Variants in LAMC1 observed in about 807,000 individuals in gnomAD.
The protein encoded by LAMC1 is laminin subunit gamma 1, also known as laminin subunit gamma-1.
LAMC1 carries 38 observed loss-of-function variants against 173.6 expected under a neutral mutation model. The ratio of observed to expected loss-of-function variants is 0.22; its 90% CI spans 0.17 to 0.29. The LOEUF (loss-of-function observed/expected upper bound fraction) is 0.29, where lower values mean the gene tolerates loss of function less well. Among genes scored for constraint, LAMC1 ranks in the 10% least tolerant of loss-of-function variants. The pLI, the probability that LAMC1 is intolerant of heterozygous loss-of-function variation, is 1.00. For missense variants in LAMC1, 1,824 were observed against 2,051.8 expected (o/e 0.89, Z 2.14); for synonymous variants, 746 against 749.1 (o/e 1.00, Z 0.07).
chr1:183,067,860 G>A (rs1020523309), intron 1 of LAMC1, among the ~76,000 whole-genome samples: 3 of 152,072 alleles, frequency 2.0e-5, no homozygotes, highest in Non-Finnish European at 2.9e-5. Context: ...TGTAGTATTG[G>A]GAGTATCATG....
intron 1 of LAMC1, among the ~76,000 whole-genome samples, chr1:183,074,510 C>T (rs1226568259): frequency 6.6e-6 from 1 of 152,126 alleles, no homozygotes; most frequent in African/African-American, 2.4e-5. Flanking sequence ...GCACTGTCAG[C>T]ATGTGAAAGG....
At chr1:183,093,030 G>A (rs1238470518) in intron 1 of LAMC1, among the ~76,000 whole-genome samples, 1 of 152,176 alleles carries the variant, frequency 6.6e-6, no homozygotes, top group Non-Finnish European at 1.5e-5. Context: ...TATAATCCTA[G>A]CACCTTGGGA....
intron 19 of LAMC1, among the ~76,000 whole-genome samples, chr1:183,130,867 C>T (rs1162132531): frequency 6.6e-6 from 1 of 152,124 alleles, no homozygotes; most frequent in East Asian, 1.9e-4. Flanking sequence ...ATAAAGATCT[C>T]TGAAAATAAG....
In LAMC1 at chr1:183,108,201, G is replaced by C. The variant is rs1656042795; in HGVS notation, c.724-75G>C. 2.2e-6 allele frequency: 3 copies of C among 1,391,108 alleles called. No homozygotes were observed. The Admixed American group carries it at 5.3e-5, about 25-fold the overall frequency. 86.2% of individuals were successfully genotyped at this position (1,391,108 alleles called of 1,614,324 possible). On this transcript the variant is annotated intron_variant, in intron 2 of 27. Transcript: ENST00000258341. ...TAAATGATAATAAGTTAGTGATTTAGAACATTTTGTCACATTTATATCATT... is the reference window on the plus strand; with the variant it reads ...TAAATGATAATAAGTTAGTGATTTACAACATTTTGTCACATTTATATCATT...
rs1414003336 is a variant in LAMC1, at chr1:183,114,606, A to G, written c.1097A>G (p.His366Arg). The G allele has an allele frequency of 1.9e-6, 3 of 1,614,202 alleles. No individual in the cohort carries two copies. Among genetic ancestry groups the G allele is most frequent in the South Asian group, 2.2e-5 (2 of 91,088 alleles). ...ELYRSTGHGG[H>R]CTNCQDNTDG... ...TATCGTTCCACTGGCCATGGGGGCC[A>G]CTGTACCAACTGCCAGGATAACACA... The change falls in exon 5 of 28, where the codon CAC becomes CGC. Residue 366 changes from histidine to arginine, a missense_variant. Coordinates refer to ENST00000258341, the MANE Select transcript of LAMC1 (RefSeq NM_002293.4).
intron 1 of LAMC1, among the ~76,000 whole-genome samples, chr1:183,097,871 G>A (rs973621850): frequency 7.2e-5 from 11 of 152,196 alleles, no homozygotes; most frequent in Admixed American, 3.3e-4. Context: ...TATGGCAGGG[G>A]GAGGAAGAGG....
intron 1 of LAMC1, among the ~76,000 whole-genome samples, chr1:183,039,563 C>A (rs1004680553): frequency 7.2e-5 from 11 of 152,290 alleles, no homozygotes; most frequent in South Asian, 6.2e-4. Flanking sequence ...TTTAGAGGCT[C>A]TTGCTGGGTT....
chr1:183,075,793 A>C (rs901648229), intron 1 of LAMC1, among the ~76,000 whole-genome samples: 15 of 152,226 alleles, frequency 9.9e-5, no homozygotes, highest in Non-Finnish European at 4.4e-5. Context: ...TTTGTATAGT[A>C]GAGTGATTGG....
rs761195841 is a variant in LAMC1, at chr1:183,136,469, G to A, written c.4198G>A (p.Glu1400Lys). 1 of 1,614,198 alleles carries A rather than the reference G, an allele frequency of 6.2e-7. No individual in the cohort carries two copies. Among genetic ancestry groups the A allele is most frequent in the Non-Finnish European group, 8.5e-7 (1 of 1,180,024 alleles). Residue 1400 changes from glutamate (E) to lysine (K), a missense_variant, in exon 25 of 28, where the codon GAA becomes AAA. Transcript: ENST00000258341. The stretch of plus-strand genomic sequence containing the variant: ...TCCTGCCATCAACCAGACCATCACT[G>A]AAGCCAATGAAAAGACCAGAGAAGC... ...KIPAINQTIT[E>K]ANEKTREAQQ...
At chr1:183,099,975 T>C (rs1452345083) in intron 1 of LAMC1, among the ~76,000 whole-genome samples, 4 of 152,188 alleles carry the variant, frequency 2.6e-5, no homozygotes, top group Non-Finnish European at 5.9e-5. Flanking sequence ...TACCCTCCAC[T>C]TGGTTCATTT....
Position 183,108,290 on chromosome 1 carries a change from C to T in LAMC1, c.738C>T (p.Ala246=), listed in dbSNP as rs762304396. The T allele has an allele frequency of 1.9e-6, 3 of 1,613,326 alleles. No homozygotes were observed. Among genetic ancestry groups the T allele is most frequent in the Non-Finnish European group, 2.5e-6 (3 of 1,179,504 alleles). ...CTTCCTGACAGGAATGGGTAACTGC[C>T]ACTGACATCAGAGTAACTCTTAATC... ...NSPVLQEWVT[A]TDIRVTLNRL... is the part of the protein sequence containing the mutation. Residue 246 remains alanine, a synonymous_variant, in exon 3 of 28, where the codon GCC becomes GCT. Transcript: ENST00000258341.
intron 2 of LAMC1, among the ~76,000 whole-genome samples, chr1:183,107,684 G>C: frequency 6.6e-6 from 1 of 152,096 alleles, no homozygotes; most frequent in Non-Finnish European, 1.5e-5. Flanking sequence ...CAAAAAATTA[G>C]CTGGGCGTGG....
At chr1:183,098,602 A>T (rs1655753977) in intron 1 of LAMC1, among the ~76,000 whole-genome samples, 1 of 152,188 alleles carries the variant, frequency 6.6e-6, no homozygotes, top group Non-Finnish European at 1.5e-5. Flanking sequence ...GCTGGACTTT[A>T]CATTGGCTAT....
chr1:183,058,922 A>C (rs1233013528), intron 1 of LAMC1, among the ~76,000 whole-genome samples: 1 of 152,258 alleles, frequency 6.6e-6, no homozygotes, highest in Non-Finnish European at 1.5e-5. Flanking sequence ...AGGGCTCTTC[A>C]AGGAAGGTAA....
intron 1 of LAMC1, among the ~76,000 whole-genome samples, chr1:183,028,564 A>G (rs550301285): frequency 6.6e-6 from 1 of 152,248 alleles, no homozygotes; most frequent in Admixed American, 6.5e-5. Context: ...GCCTAAAGTC[A>G]TGTGGGAGAT....
intron 1 of LAMC1, among the ~76,000 whole-genome samples, chr1:183,044,730 TC>T (rs1453081375): frequency 1.3e-5 from 2 of 152,146 alleles, no homozygotes; most frequent in Non-Finnish European, 2.9e-5. Flanking sequence ...TGTTGAACTT[TC>T]CTTTAAGAAC....
intron 1 of LAMC1, among the ~76,000 whole-genome samples, chr1:183,074,095 C>G (rs1571423141): frequency 6.6e-6 from 1 of 152,046 alleles, no homozygotes; most frequent in Non-Finnish European, 1.5e-5. Context: ...GGAAAATATT[C>G]TTTATTTTTC....
At chr1:183,076,456 G>T (rs565500743) in intron 1 of LAMC1, among the ~76,000 whole-genome samples, 24 of 152,320 alleles carry the variant, frequency 1.6e-4, no homozygotes, top group Admixed American at 5.2e-4. Context: ...CTCAGTAGTT[G>T]TACTTTGCTC....
At chr1:183,103,684 T>TG in intron 2 of LAMC1, 52 bp downstream of exon 2, 1 of 1,477,312 alleles carries the variant, frequency 6.8e-7, no homozygotes. Context: ...ACATGCGAGG[T>TG]GTGGGAAGAT....
Sources: gnomAD v4.1 joint callset for allele counts (sites outside exome capture counted in the v4.1 genomes callset) on GRCh38, gnomAD v4.1.1 for gene constraint, MANE v1.5 for transcripts, NCBI Gene and HGNC (gene_info 2026-07-23, HGNC 2026-07-21) for gene names.